The following NDUFAF6 variants were observed in gnomAD, a reference collection of about 807,000 sequenced individuals.
The protein encoded by NDUFAF6 is NADH:ubiquinone oxidoreductase complex assembly factor 6, also known as NADH dehydrogenase (ubiquinone) complex I, assembly factor 6.
In NDUFAF6, 45 loss-of-function variants were observed where a neutral mutation model predicts 40.8. That is an observed-to-expected ratio of 1.10 (90% CI 0.87 to 1.42). NDUFAF6 has a LOEUF of 1.42. NDUFAF6 is among the 40% of genes most tolerant of loss of function. The pLI is 0.00. For missense variants in NDUFAF6, 435 were observed against 418.5 expected, an observed-to-expected ratio of 1.04 and a Z score of -0.34; for synonymous variants, 185 against 155.9, an observed-to-expected ratio of 1.19 and a Z score of -1.39.
chr8:95,111,790 C>G (rs933777232), intron 4 of NDUFAF6, among the ~76,000 whole-genome samples: 1 of 152,152 alleles, frequency 6.6e-6, no homozygotes, highest in Non-Finnish European at 1.5e-5. Flanking sequence ...TGAGAAAGAC[C>G]AAGCCCAGAC....
intron 9 of NDUFAF6, among the ~76,000 whole-genome samples, chr8:95,065,497 T>C (rs970877823): frequency 2.0e-5 from 3 of 152,242 alleles, no homozygotes; most frequent in African/African-American, 4.8e-5. Context: ...TGTTTTTTAG[T>C]CTACATTTTA....
intron 2 of NDUFAF6, among the ~76,000 whole-genome samples, chr8:95,016,434 A>G (rs975069047): frequency 6.6e-6 from 1 of 152,198 alleles, no homozygotes; most frequent in African/African-American, 2.4e-5. Context: ...GGTTCTAACT[A>G]CTGGTGAGCA....
intron 1 of NDUFAF6, among the ~76,000 whole-genome samples, chr8:94,918,267 C>G (rs1426214455): frequency 2.0e-5 from 3 of 152,170 alleles, no homozygotes; most frequent in Non-Finnish European, 4.4e-5. Context: ...GCTCGTGTCC[C>G]CTAGGGCCCA....
intron 1 of NDUFAF6, among the ~76,000 whole-genome samples, chr8:94,914,158 A>C (rs909695267): frequency 1.5e-5 from 2 of 137,494 alleles, no homozygotes; most frequent in African/African-American, 5.6e-5. Flanking sequence ...CAGGCACATC[A>C]GGGTCTTCAC....
chr8:94,993,073 G>A (rs1171588506), intron 2 of NDUFAF6, among the ~76,000 whole-genome samples: 1 of 152,194 alleles, frequency 6.6e-6, no homozygotes, highest in Non-Finnish European at 1.5e-5. Flanking sequence ...CCAAGATCAA[G>A]GTGTTTGAAG....
At chr8:95,082,766 TCTC>T (rs1808914721) in intron 2 of NDUFAF6, among the ~76,000 whole-genome samples, 1 of 151,688 alleles carries the variant, frequency 6.6e-6, no homozygotes, top group Non-Finnish European at 1.5e-5. Flanking sequence ...TTCACGCCAT[TCTC>T]CTGCCTCAGC....
chr8:94,903,350 C>T (rs565799185), intron 1 of NDUFAF6, among the ~76,000 whole-genome samples: 84 of 152,120 alleles, frequency 5.5e-4, no homozygotes, highest in Non-Finnish European at 1.0e-3. Flanking sequence ...CAGAGAGAGA[C>T]CCTGTCTCGA....
At chr8:95,012,353 A>G (rs567532483) in intron 2 of NDUFAF6, among the ~76,000 whole-genome samples, 10 of 152,268 alleles carry the variant, frequency 6.6e-5, no homozygotes, top group Admixed American at 2.6e-4. Flanking sequence ...TTGACTATCT[A>G]TAGGCTAGTA....
At chr8:95,001,566 G>C (rs998327778) in intron 2 of NDUFAF6, among the ~76,000 whole-genome samples, 16 of 152,172 alleles carry the variant, frequency 1.1e-4, no homozygotes, top group African/African-American at 3.9e-4. Context: ...ATTGAACAAT[G>C]CCATTACTGC....
chr8:94,974,484 C>T (rs968633108), intron 1 of NDUFAF6: 1 of 152,116 alleles, frequency 6.6e-6, no homozygotes, highest in African/African-American at 2.4e-5. Flanking sequence ...CTCCAGCTTT[C>T]AAGATATTGC....
At chr8:94,959,063 A>G (rs890734958) in intron 1 of NDUFAF6, among the ~76,000 whole-genome samples, 1 of 120,134 alleles carries the variant, frequency 8.3e-6, no homozygotes, top group Non-Finnish European at 1.8e-5. Context: ...GAAGCTGAAA[A>G]TGGCTGCGGG....
At chr8:94,905,360 T>G (rs1460467890) in intron 1 of NDUFAF6, among the ~76,000 whole-genome samples, 1 of 152,022 alleles carries the variant, frequency 6.6e-6, no homozygotes, top group East Asian at 1.9e-4. Context: ...GGTCGGATTT[T>G]TCTGAGGCAA....
intron 2 of NDUFAF6, among the ~76,000 whole-genome samples, chr8:95,094,298 C>T (rs978515982): frequency 2.0e-5 from 3 of 151,916 alleles, no homozygotes; most frequent in Admixed American, 6.6e-5. Flanking sequence ...TTCACCCCTT[C>T]CTCTTCCACT....
At chr8:94,955,906 T>G (rs2131449556), upstream of NDUFAF6, among the ~76,000 whole-genome samples, 1 of 152,328 alleles carries the variant, frequency 6.6e-6, no homozygotes, top group Non-Finnish European at 1.5e-5. Context: ...ACACCTGAGT[T>G]ACTTTACCTG....
At chr8:94,932,647 C>A (rs1284930319) in intron 1 of NDUFAF6, among the ~76,000 whole-genome samples, 4 of 151,846 alleles carry the variant, frequency 2.6e-5, no homozygotes, top group Non-Finnish European at 5.9e-5. Flanking sequence ...ACTAAAAATA[C>A]AAAAAATTAG....
intron 1 of NDUFAF6, among the ~76,000 whole-genome samples, chr8:94,934,074 T>C (rs1281100073): frequency 6.7e-6 from 1 of 149,820 alleles, no homozygotes; most frequent in African/African-American, 2.5e-5. Flanking sequence ...TGAAACTCTG[T>C]CTCAAAAAAA....
At chr8:95,113,318 A>G (rs995953404) in intron 4 of NDUFAF6, among the ~76,000 whole-genome samples, 2 of 152,216 alleles carry the variant, frequency 1.3e-5, no homozygotes, top group Non-Finnish European at 2.9e-5. Context: ...AAATGGTGCC[A>G]GAGGGGATAG....
intron 4 of NDUFAF6, among the ~76,000 whole-genome samples, chr8:95,113,871 T>C (rs1365582499): frequency 1.3e-5 from 2 of 151,744 alleles, no homozygotes; most frequent in African/African-American, 4.8e-5. Flanking sequence ...ATGGATGAAA[T>C]TGGAAACCAT....
chr8:95,030,978 A>G (rs1401018152), intron 1 of NDUFAF6, among the ~76,000 whole-genome samples: 1 of 152,230 alleles, frequency 6.6e-6, no homozygotes, highest in Non-Finnish European at 1.5e-5. Context: ...TTAAGCAACC[A>G]GCTGTAGCGT....
Sources: gnomAD v4.1 joint callset for allele counts (sites outside exome capture counted in the v4.1 genomes callset) on GRCh38, gnomAD v4.1.1 for gene constraint, MANE v1.5 for transcripts, NCBI Gene and HGNC (gene_info 2026-07-23, HGNC 2026-07-21) for gene names.